Variants in CPM observed in about 807,000 individuals in gnomAD.
CPM encodes carboxypeptidase M, also known as renal carboxypeptidase.
CPM carries 35 observed loss-of-function variants against 46.4 expected under a neutral mutation model. The ratio of observed to expected loss-of-function variants is 0.75; its 90% confidence interval spans 0.58 to 1.00. The LOEUF is 1.00. CPM is among the 50% of genes least tolerant of loss of function. The pLI is 0.00. For synonymous variants in CPM, 195 were observed against 195.3 expected (o/e 1.00, Z 0.01); for missense variants, 422 against 530.4 (o/e 0.80, Z 2.01).
At chr12:68,945,846 CTTTTT>C (rs1170064808) in intron 1 of CPM, among the ~76,000 whole-genome samples, 2 of 88,460 alleles carry the variant, frequency 2.3e-5, no homozygotes, top group Non-Finnish European at 4.2e-5. Context: ...TTCTTTCTTT[CTTTTT>C]TTTTTTTTTT....
At chr12:68,931,305 A>G (rs1888488846) in intron 2 of CPM, among the ~76,000 whole-genome samples, 1 of 152,236 alleles carries the variant, frequency 6.6e-6, no homozygotes, top group Admixed American at 6.5e-5. Context: ...TCAAAAGTTC[A>G]GAGCTAAAAT....
At chr12:68,844,616 T>C (rs1043482753) in intron 5 of CPM, 2 of 227,250 alleles carry the variant, frequency 8.8e-6, no homozygotes, top group African/African-American at 2.2e-5. Flanking sequence ...GCTGGGAACC[T>C]CTTGATTGTG....
intron 2 of CPM, among the ~76,000 whole-genome samples, chr12:68,921,235 G>A (rs192657093): frequency 4.0e-4 from 60 of 151,184 alleles, no homozygotes; most frequent in East Asian, 7.8e-4. Context: ...TCCACCTCCC[G>A]GGTTCAAGCG....
At chr12:68,863,470 T>C (rs1466802848) in intron 7 of CPM, among the ~76,000 whole-genome samples, 1 of 152,106 alleles carries the variant, frequency 6.6e-6, no homozygotes, top group Non-Finnish European at 1.5e-5. Flanking sequence ...TAGTAAATCA[T>C]CCTCTAAGCA....
chr12:68,897,220 G>T (rs1214741157), intron 2 of CPM, among the ~76,000 whole-genome samples: 1 of 150,874 alleles, frequency 6.6e-6, no homozygotes, highest in Non-Finnish European at 1.5e-5. Flanking sequence ...TTAAAAACTG[G>T]ACATAATTAT....
In CPM at chr12:68,856,032, C is replaced by T. The variant is rs1884953735; in HGVS notation, c.*405G>A. On this transcript the variant is annotated 3_prime_UTR_variant, in exon 9 of 9. Transcript: ENST00000551568. Reference sequence around the variant, plus strand: ...CAAGGTGTGAGCCACTGCTCCTGGCCTTATGGTGAAGTCTTGTATGTAGAA... The same window carrying T: ...CAAGGTGTGAGCCACTGCTCCTGGCTTTATGGTGAAGTCTTGTATGTAGAA... The T allele has an allele frequency of 5.4e-6, 1 of 185,458 alleles. No homozygotes were observed. Among genetic ancestry groups the T allele is most frequent in the African/African-American group, 2.4e-5 (1 of 42,302 alleles). The allele number at this position is 185,458 out of a possible 1,614,324, so 11.5% of individuals were successfully genotyped here. A position where few individuals can be genotyped will look rare whatever the true frequency, so the allele number is the denominator to read the frequency against.
At chr12:68,882,317 A>C (rs867977061) in intron 3 of CPM, among the ~76,000 whole-genome samples, 3 of 151,780 alleles carry the variant, frequency 2.0e-5, no homozygotes, top group African/African-American at 7.3e-5. Context: ...TTTAGTTCCC[A>C]CTTATAAGTG....
chr12:68,872,075 G>C, intron 3 of CPM, 119 bp from the exon 4 acceptor site: 1 of 990,916 alleles, frequency 1.0e-6, no homozygotes, highest in East Asian at 2.6e-5. Flanking sequence ...ACCCAAACTA[G>C]TTTGTAAGAT....
intron 3 of CPM, among the ~76,000 whole-genome samples, chr12:68,879,591 C>T (rs186308350): frequency 6.6e-6 from 1 of 152,130 alleles, no homozygotes; most frequent in Admixed American, 6.5e-5. Context: ...TCTTGAACTC[C>T]TGGCCTCAAG....
chr12:68,904,559 G>A (rs1421737539), intron 2 of CPM, among the ~76,000 whole-genome samples: 1 of 152,198 alleles, frequency 6.6e-6, no homozygotes, highest in Non-Finnish European at 1.5e-5. Flanking sequence ...TTTTCACATT[G>A]CTCAATACAT....
intron 2 of CPM, among the ~76,000 whole-genome samples, chr12:68,916,631 C>G (rs2136299892): frequency 6.6e-6 from 1 of 152,228 alleles, no homozygotes; most frequent in South Asian, 2.1e-4. Flanking sequence ...TGGTGCATGC[C>G]TGTAATCCCA....
intron 5 of CPM, chr12:68,842,881 G>C (rs1883909742): frequency 4.8e-6 from 1 of 206,668 alleles, no homozygotes; most frequent in Non-Finnish European, 9.9e-6. Context: ...AGTTATGCTG[G>C]ACTGTTTTGA....
intron 1 of CPM, among the ~76,000 whole-genome samples, chr12:68,945,511 T>C (rs1592713729): frequency 6.6e-6 from 1 of 152,246 alleles, no homozygotes; most frequent in Non-Finnish European, 1.5e-5. Flanking sequence ...GGGGGTATAG[T>C]TGGGGCAAGG....
rs553391387 is a variant in CPM at position 68,897,420 on chromosome 12, T to C, written c.161-11531A>G. ...AGGTCAAACATAACCAGATCATCTT[T>C]TTGAAGGACAATTCAGCTGTACTAA... On this transcript the variant is annotated intron_variant, in intron 2 of 8. Coordinates refer to ENST00000551568, the MANE Select transcript of CPM (RefSeq NM_198320.5). 2.0e-5 allele frequency among the ~76,000 whole-genome samples: 3 copies of C among 152,232 alleles called. No homozygotes were observed. The South Asian group carries it at 6.2e-4, about 32-fold the overall frequency.
At chr12:68,958,768 C>G (rs1223610355) in intron 1 of CPM, among the ~76,000 whole-genome samples, 1 of 152,152 alleles carries the variant, frequency 6.6e-6, no homozygotes, top group Admixed American at 6.5e-5. Context: ...CAGAATCAAA[C>G]CCAAAGCCTC....
chr12:68,882,909 T>TA (rs1886257731), intron 3 of CPM, among the ~76,000 whole-genome samples: 1 of 152,118 alleles, frequency 6.6e-6, no homozygotes, highest in South Asian at 2.1e-4. Flanking sequence ...ATAAGTAAAA[T>TA]AAAAATACAT....
chr12:68,858,108 C>G (rs1885053585), intron 8 of CPM, among the ~76,000 whole-genome samples: 1 of 152,116 alleles, frequency 6.6e-6, no homozygotes, highest in Admixed American at 6.5e-5. Context: ...ATGATGTCCT[C>G]AAGATGAAAT....
At chr12:68,882,353 T>A (rs1402191351) in intron 3 of CPM, among the ~76,000 whole-genome samples, 1 of 152,064 alleles carries the variant, frequency 6.6e-6, no homozygotes, top group African/African-American at 2.4e-5. Flanking sequence ...TGATTTTCTG[T>A]TTAGTTTGCT....
chr12:68,958,723 A>G (rs1211011910), intron 1 of CPM, among the ~76,000 whole-genome samples: 1 of 152,118 alleles, frequency 6.6e-6, no homozygotes, highest in Admixed American at 6.5e-5. Context: ...TAATCAGAAC[A>G]TGTTCTTTTC....
Sources: gnomAD v4.1 joint callset for allele counts (sites outside exome capture counted in the v4.1 genomes callset) on GRCh38, gnomAD v4.1.1 for gene constraint, MANE v1.5 for transcripts, NCBI Gene and HGNC (gene_info 2026-07-23, HGNC 2026-07-21) for gene names.